Variants in WDPCP observed in about 807,000 individuals in gnomAD.
WDPCP encodes WD repeat-containing and planar cell polarity effector protein fritz homolog.
WDPCP carries 71 observed loss-of-function variants against 93.1 expected under a neutral mutation model. That is an observed-to-expected ratio of 0.76 (90% CI 0.63 to 0.93). WDPCP has a LOEUF of 0.93. Among genes scored for constraint, WDPCP ranks in the 40% least tolerant of loss-of-function variants. The pLI is 0.00. For synonymous variants in WDPCP, 315 were observed against 315.0 expected, an observed-to-expected ratio of 1.00 and a Z score of 0.00; for missense variants, 844 against 887.4, an observed-to-expected ratio of 0.95 and a Z score of 0.62.
chr2:63,515,039 T>G (rs899095095), intron 1 of WDPCP, among the ~76,000 whole-genome samples: 1 of 152,156 alleles, frequency 6.6e-6, no homozygotes, highest in Non-Finnish European at 1.5e-5. Context: ...TGAGAAGATG[T>G]CTAGGTATTC....
At chr2:63,787,972 G>A (rs1243743161) in intron 2 of WDPCP, among the ~76,000 whole-genome samples, 3 of 152,088 alleles carry the variant, frequency 2.0e-5, no homozygotes, top group Non-Finnish European at 4.4e-5. Flanking sequence ...CTGGGAGGCG[G>A]AGGTTGCAGT....
intron 10 of WDPCP, chr2:63,403,722 A>C (rs955293018): frequency 4.6e-6 from 1 of 215,700 alleles, no homozygotes; most frequent in African/African-American, 2.3e-5. Context: ...TGGACAAAGT[A>C]AGTCCTTCTA....
intron 1 of WDPCP, among the ~76,000 whole-genome samples, chr2:63,532,499 A>G (rs1703935083): frequency 6.6e-6 from 1 of 152,268 alleles, no homozygotes; most frequent in East Asian, 1.9e-4. Flanking sequence ...CATCAGATTA[A>G]CAGCGGATCT....
intron 12 of WDPCP, 33 bp downstream of exon 12, chr2:63,378,353 T>G: frequency 6.2e-7 from 1 of 1,612,070 alleles, no homozygotes; most frequent in Non-Finnish European, 8.5e-7. Context: ...AAGTAATTAG[T>G]CTGACGCTAA....
chr2:63,120,990 G>A lies in WDPCP; in HGVS notation c.*1016C>T, dbSNP rs928976815. 6.6e-5 allele frequency among the ~76,000 whole-genome samples: 10 copies of A among 152,246 alleles called. No individual in the cohort carries two copies. The highest frequency in any genetic ancestry group is 2.1e-4 in the South Asian group (1 of 4,824). The stretch of plus-strand genomic sequence containing the variant: ...GAAGACATGAGACTCCTGAGTCAGA[G>A]ACAAATGATAGTAACCAGGGTATCG... On this transcript the variant is annotated 3_prime_UTR_variant, in exon 18 of 18. Transcript: ENST00000272321.
chr2:63,171,959 G>A (rs1246199997), intron 15 of WDPCP, among the ~76,000 whole-genome samples: 1 of 152,176 alleles, frequency 6.6e-6, no homozygotes, highest in Non-Finnish European at 1.5e-5. Context: ...TCATTTATAT[G>A]AAATGTCCAG....
chr2:63,637,629 G>A (rs1709935328), intron 3 of WDPCP, among the ~76,000 whole-genome samples: 1 of 152,076 alleles, frequency 6.6e-6, no homozygotes, highest in Admixed American at 6.6e-5. Flanking sequence ...CAAAAGACCT[G>A]AATGAATATT....
intron 2 of WDPCP, among the ~76,000 whole-genome samples, chr2:63,700,227 G>A (rs1000680036): frequency 7.1e-6 from 1 of 139,886 alleles, no homozygotes; most frequent in Non-Finnish European, 1.5e-5. Context: ...AGGCTGCAGT[G>A]AGCCACGATC....
intron 1 of WDPCP, among the ~76,000 whole-genome samples, chr2:63,822,585 C>T (rs1346165303): frequency 6.6e-6 from 1 of 152,016 alleles, no homozygotes; most frequent in African/African-American, 2.4e-5. Flanking sequence ...ATATGAGTGA[C>T]AGAGGAAAGT....
chr2:63,480,201 G>A (rs1700186129), intron 6 of WDPCP, among the ~76,000 whole-genome samples: 1 of 151,892 alleles, frequency 6.6e-6, no homozygotes, highest in South Asian at 2.1e-4. Context: ...ATCTCTACAA[G>A]GAAAACTACA....
chr2:63,536,638 T>A (rs1285320337), intron 1 of WDPCP, among the ~76,000 whole-genome samples: 1 of 151,900 alleles, frequency 6.6e-6, no homozygotes, highest in Non-Finnish European at 1.5e-5. Context: ...AAAAAAATTA[T>A]CTGTAATATA....
At position 63,425,209 on chromosome 2, in the gene WDPCP, A is replaced by G. The variant is rs531253902; in HGVS notation, c.825+8536T>C. On this transcript the variant is annotated intron_variant, in intron 9 of 17. Coordinates refer to ENST00000272321, the MANE Select transcript of WDPCP (RefSeq NM_015910.7). ...ACAGTTAAAAACTCAAGGGAAATAA[A>G]TTATATAAAAACAAAAAGCCCCATT... Among the ~76,000 whole-genome samples, 20 of 152,316 alleles carry G rather than the reference A, an allele frequency of 1.3e-4. No homozygotes were observed. The East Asian group carries it at 3.9e-3, about 29-fold the overall frequency.
chr2:63,618,720 C>T (rs898439670), intron 3 of WDPCP, among the ~76,000 whole-genome samples: 50 of 137,984 alleles, frequency 3.6e-4, no homozygotes, highest in Non-Finnish European at 2.6e-4. Flanking sequence ...GACAGAGTTT[C>T]GCTCTTGTTG....
intron 12 of WDPCP, among the ~76,000 whole-genome samples, chr2:63,354,867 T>C (rs992508852): frequency 6.6e-6 from 1 of 152,098 alleles, no homozygotes; most frequent in African/African-American, 2.4e-5. Context: ...TGAAGATCGA[T>C]TATCTGAAAT....
At chr2:63,155,869 C>T (rs533303636) in intron 15 of WDPCP, among the ~76,000 whole-genome samples, 2 of 152,276 alleles carry the variant, frequency 1.3e-5, no homozygotes, top group East Asian at 3.9e-4. Context: ...TTGTTGATAT[C>T]TTTAAAAAAT....
chr2:63,530,155 T>C (rs910511770), intron 1 of WDPCP, among the ~76,000 whole-genome samples: 3 of 152,218 alleles, frequency 2.0e-5, no homozygotes, highest in African/African-American at 7.2e-5. Flanking sequence ...AACCAGCTCC[T>C]GGATTCATTG....
chr2:63,511,250 C>T (rs1002882094), intron 1 of WDPCP, among the ~76,000 whole-genome samples: 16 of 152,096 alleles, frequency 1.1e-4, no homozygotes, highest in African/African-American at 3.9e-4. Flanking sequence ...TCAGAGAGGA[C>T]ACAAACAAAT....
chr2:63,662,556 G>A (rs1710237266), intron 2 of WDPCP, among the ~76,000 whole-genome samples: 1 of 151,902 alleles, frequency 6.6e-6, no homozygotes, highest in South Asian at 2.1e-4. Context: ...TAAGAGCCAG[G>A]GTTGCAGCAC....
At chr2:63,739,472 G>T (rs1394596247) in intron 2 of WDPCP, among the ~76,000 whole-genome samples, 1 of 152,076 alleles carries the variant, frequency 6.6e-6, no homozygotes, top group Non-Finnish European at 1.5e-5. Flanking sequence ...ACTGTGAATA[G>T]TGCTACAATG....
Sources: allele counts gnomAD v4.1 joint callset (sites outside exome capture counted in the v4.1 genomes callset), GRCh38; gene constraint gnomAD v4.1.1; transcripts MANE v1.5; gene names NCBI Gene and HGNC (gene_info 2026-07-23, HGNC 2026-07-21).